Variants in CEP83 observed in about 807,000 individuals in gnomAD.
CEP83 encodes the protein centrosomal protein of 83 kDa.
In CEP83, 70 loss-of-function variants were observed where a neutral mutation model predicts 101.9. The ratio of observed to expected loss-of-function variants is 0.69; its 90% CI spans 0.57 to 0.84. CEP83 has a LOEUF of 0.84. CEP83 is among the 40% of genes least tolerant of loss of function. The pLI is 0.00. For synonymous variants in CEP83, 264 were observed against 267.9 expected (o/e 0.99, Z 0.14); for missense variants, 715 against 787.2 (o/e 0.91, Z 1.10).
At chr12:94,384,383 A>C (rs2062017005) in intron 6 of CEP83, among the ~76,000 whole-genome samples, 1 of 152,078 alleles carries the variant, frequency 6.6e-6, no homozygotes, top group South Asian at 2.1e-4. Context: ...TTTTTTTTTA[A>C]ACCTGACTAT....
intron 6 of CEP83, among the ~76,000 whole-genome samples, chr12:94,381,341 A>G (rs181696996): frequency 6.6e-6 from 1 of 152,246 alleles, no homozygotes; most frequent in Admixed American, 6.5e-5. Flanking sequence ...CTCTTTTATG[A>G]ACTTTATTTA....
At chr12:94,421,133 C>A (rs1034535878) in intron 2 of CEP83, among the ~76,000 whole-genome samples, 2 of 152,090 alleles carry the variant, frequency 1.3e-5, no homozygotes, top group Non-Finnish European at 2.9e-5. Context: ...ATCAATCTCC[C>A]AAGCTCAAGT....
the CEP83 span, among the ~76,000 whole-genome samples, chr12:94,284,570 CCCCATTCTAT>C: frequency 6.6e-6 from 1 of 152,090 alleles, no homozygotes; most frequent in South Asian, 2.1e-4. Context: ...CAGTATTTCG[CCCCATTCTAT>C]CCTATAGCAG....
At position 94,368,261 on chromosome 12, in the gene CEP83, A is replaced by T. The variant is rs1342661684; in HGVS notation, c.1049-60T>A. The T allele has an allele frequency of 2.3e-6, 3 of 1,317,136 alleles. No homozygotes were observed. The African/African-American group carries it at 4.4e-5, about 19-fold the overall frequency. 81.6% of individuals were successfully genotyped at this position (1,317,136 alleles called of 1,614,324 possible). On this transcript the variant is annotated intron_variant, in intron 9 of 16. Transcript: ENST00000397809. ...CAATGTTATTAAGATGAAAAATCAC[A>T]TTTAACAGCAAGCATTCATAAGCTG...
chr12:94,283,581 T>C, the CEP83 span, among the ~76,000 whole-genome samples: 1 of 152,158 alleles, frequency 6.6e-6, no homozygotes, highest in African/African-American at 2.4e-5. Flanking sequence ...CTCAAATCAG[T>C]CTCCCTGAGC....
intron 2 of CEP83, among the ~76,000 whole-genome samples, chr12:94,413,996 A>T (rs2064095665): frequency 6.6e-6 from 1 of 152,196 alleles, no homozygotes; most frequent in African/African-American, 2.4e-5. Flanking sequence ...CTTGAATTAT[A>T]CCATCTCTGA....
At chr12:94,351,869 C>T (rs1053795090) in intron 11 of CEP83, among the ~76,000 whole-genome samples, 4 of 152,166 alleles carry the variant, frequency 2.6e-5, no homozygotes, top group African/African-American at 9.7e-5. Context: ...CTATCAACAC[C>T]AAAGACATGA....
chr12:94,456,285 ATCTT>A (rs1381262500), intron 1 of CEP83, among the ~76,000 whole-genome samples: 13 of 152,152 alleles, frequency 8.5e-5, no homozygotes, highest in Non-Finnish European at 7.4e-5. Context: ...TAGGAACAGA[ATCTT>A]TATTTCTGAT....
At chr12:94,293,783 T>A in the CEP83 span, among the ~76,000 whole-genome samples, 1 of 152,128 alleles carries the variant, frequency 6.6e-6, no homozygotes, top group African/African-American at 2.4e-5. Context: ...TGCGCCCAGA[T>A]AATTAAAAAA....
intron 6 of CEP83, among the ~76,000 whole-genome samples, chr12:94,398,029 G>C (rs1404998992): frequency 6.6e-6 from 1 of 152,182 alleles, no homozygotes; most frequent in Non-Finnish European, 1.5e-5. Context: ...AGGGCATATA[G>C]AATACGAGTG....
At chr12:94,386,717 C>G (rs941114769) in intron 6 of CEP83, among the ~76,000 whole-genome samples, 1 of 152,158 alleles carries the variant, frequency 6.6e-6, no homozygotes, top group African/African-American at 2.4e-5. Context: ...CATCCCTATT[C>G]CATCCTAGCC....
chr12:94,361,955 C>G (rs1489796342), intron 11 of CEP83, among the ~76,000 whole-genome samples: 3 of 152,102 alleles, frequency 2.0e-5, no homozygotes, highest in African/African-American at 7.2e-5. Context: ...CCCGCCTTGG[C>G]CTCTCAAAGT....
At chr12:94,355,593 CAAGCCCCCCA>C (rs1203357491) in intron 11 of CEP83, among the ~76,000 whole-genome samples, 1 of 152,218 alleles carries the variant, frequency 6.6e-6, no homozygotes, top group Non-Finnish European at 1.5e-5. Context: ...ATGTTGGGAG[CAAGCCCCCCA>C]AAGTCTGGCC....
intron 8 of CEP83, among the ~76,000 whole-genome samples, chr12:94,371,401 G>C (rs2061302710): frequency 6.6e-6 from 1 of 152,156 alleles, no homozygotes; most frequent in Non-Finnish European, 1.5e-5. Flanking sequence ...TATTAGGTAG[G>C]GGATTGGGGG....
downstream of CEP83, chr12:94,306,708 G>A (rs968386921): frequency 3.9e-5 from 6 of 152,088 alleles, no homozygotes; most frequent in African/African-American, 1.2e-4. Flanking sequence ...TGGAGCATTA[G>A]GATTTAAATA....
At chr12:94,457,584 A>T (rs74559067) in intron 1 of CEP83, among the ~76,000 whole-genome samples, 1 of 152,202 alleles carries the variant, frequency 6.6e-6, no homozygotes, top group Non-Finnish European at 1.5e-5. Context: ...TGAATATTTC[A>T]TTACTTCAAC....
chr12:94,319,528 T>A (rs1971282727), intron 14 of CEP83, among the ~76,000 whole-genome samples: 1 of 152,198 alleles, frequency 6.6e-6, no homozygotes, highest in South Asian at 2.1e-4. Flanking sequence ...ATTTCCCTCA[T>A]AACATTGCCT....
At chr12:94,284,066 G>A in the CEP83 span, among the ~76,000 whole-genome samples, 1 of 138,528 alleles carries the variant, frequency 7.2e-6, no homozygotes, top group East Asian at 2.1e-4. Context: ...CTGTGCGACA[G>A]AGCAAGACTC....
At chr12:94,382,135 T>C (rs999588139) in intron 6 of CEP83, among the ~76,000 whole-genome samples, 1 of 152,064 alleles carries the variant, frequency 6.6e-6, no homozygotes, top group African/African-American at 2.4e-5. Context: ...CATTGTCAAA[T>C]TTATTAGAGT....
Sources: allele counts gnomAD v4.1 joint callset (sites outside exome capture counted in the v4.1 genomes callset), GRCh38; gene constraint gnomAD v4.1.1; transcripts MANE v1.5; gene names NCBI Gene and HGNC (gene_info 2026-07-23, HGNC 2026-07-21).